TMEM87A: variants seen among roughly 807,000 people sequenced by gnomAD.
TMEM87A encodes the protein transmembrane protein 87A.
A neutral mutation model predicts 90.0 loss-of-function variants in TMEM87A; 50 were observed. That is an observed-to-expected ratio of 0.56 (90% CI 0.44 to 0.70). The LOEUF (loss-of-function observed/expected upper bound fraction) is 0.70. TMEM87A is among the 30% of genes least tolerant of loss of function. TMEM87A has a pLI of 0.00. For missense variants in TMEM87A, 577 were observed against 660.5 expected (o/e 0.87, Z 1.39); for synonymous variants, 226 against 226.7 (o/e 1.00, Z 0.03).
At chr15:42,237,353 T>C (rs534379864) in intron 9 of TMEM87A, 79 bp downstream of exon 9, 6 of 1,412,490 alleles carry the variant, frequency 4.2e-6, no homozygotes, top group Non-Finnish European at 5.8e-6. Flanking sequence ...GCCTATGTAG[T>C]GACTGCTGAC....
chr15:42,218,352 T>C lies in TMEM87A; in HGVS notation c.1566A>G (p.Glu522=), dbSNP rs769495599. 1.2e-6 allele frequency: 2 copies of C among 1,613,816 alleles called. No individual in the cohort carries two copies. Among genetic ancestry groups the C allele is most frequent in the Admixed American group, 1.7e-5 (1 of 60,018 alleles). Residue 522 remains glutamate, a synonymous_variant, in exon 18 of 20, where the codon GAA becomes GAG. Transcript: ENST00000389834. ...KAQEDDLKWV[E]ENVPSSVTDV... is the part of the protein sequence containing the mutation. ...CTGTCACAGAAGAAGGAACATTCTC[T>C]TCTACCCACTTCAAATCATCTTCCT...
chr15:42,228,922 T>C (rs996414254), intron 12 of TMEM87A, 102 bp from the exon 13 acceptor site: 6 of 761,386 alleles, frequency 7.9e-6, no homozygotes, highest in African/African-American at 3.6e-5. Context: ...AATAAACTTA[T>C]AGATCTCTCA....
At chr15:42,263,304 A>G (rs923126250) in intron 4 of TMEM87A, among the ~76,000 whole-genome samples, 8 of 152,226 alleles carry the variant, frequency 5.3e-5, no homozygotes, top group Admixed American at 5.2e-4. Context: ...GACAAAAAAG[A>G]ACAAAAGTTG....
intron 14 of TMEM87A, chr15:42,227,466 T>A: frequency 2.4e-6 from 1 of 409,474 alleles, no homozygotes; most frequent in South Asian, 3.2e-5. Context: ...ACTGTAGTTA[T>A]AACTTACAAA....
intron 6 of TMEM87A, among the ~76,000 whole-genome samples, chr15:42,250,610 T>G (rs1212803666): frequency 6.6e-6 from 1 of 152,202 alleles, no homozygotes; most frequent in African/African-American, 2.4e-5. Flanking sequence ...AGATTGTCTG[T>G]TAGTCTGATG....
rs558159503 is a variant in TMEM87A at position 42,211,565 on chromosome 15, C to T, written c.*143G>A. Reference sequence around the variant, plus strand: ...ATGTTCTCTTTGTTCTGACACCTCTCGCCAACTCCAATGCCCAAAGATCAA... The same window carrying T: ...ATGTTCTCTTTGTTCTGACACCTCTTGCCAACTCCAATGCCCAAAGATCAA... On this transcript the variant is annotated 3_prime_UTR_variant, in exon 20 of 20. Coordinates refer to ENST00000389834, the MANE Select transcript of TMEM87A (RefSeq NM_015497.5). 1.3e-4 allele frequency: 100 copies of T among 767,886 alleles called. No homozygotes were observed. The highest frequency in any genetic ancestry group is 1.8e-4 in the African/African-American group (10 of 56,998). The allele number at this position is 767,886 out of a possible 1,614,324, so 47.6% of individuals were successfully genotyped here.
intron 2 of TMEM87A, among the ~76,000 whole-genome samples, chr15:42,269,801 T>C (rs1024246351): frequency 3.4e-5 from 5 of 146,558 alleles, no homozygotes; most frequent in African/African-American, 1.2e-4. Flanking sequence ...CCGGGCGCGG[T>C]GGCGGGCGCC....
chr15:42,252,476 G>A (rs1197931500), intron 6 of TMEM87A, among the ~76,000 whole-genome samples: 1 of 152,100 alleles, frequency 6.6e-6, no homozygotes, highest in African/African-American at 2.4e-5. Context: ...TGAGATTTGT[G>A]AGCCTCTCAA....
intron 6 of TMEM87A, among the ~76,000 whole-genome samples, chr15:42,256,131 G>C (rs931747538): frequency 1.3e-5 from 2 of 151,986 alleles, no homozygotes; most frequent in Non-Finnish European, 2.9e-5. Context: ...TGGAGGTACT[G>C]AATTTGTGAG....
intron 3 of TMEM87A, among the ~76,000 whole-genome samples, chr15:42,265,680 T>C (rs2051388620): frequency 6.6e-6 from 1 of 152,254 alleles, no homozygotes; most frequent in South Asian, 2.1e-4. Flanking sequence ...TTTCTTTTGC[T>C]GTGCAGAAGC....
chr15:42,238,519 A>G (rs10152909), intron 8 of TMEM87A, among the ~76,000 whole-genome samples: 146,823 of 152,202 alleles, frequency 0.96, 70,960 homozygotes, highest in Non-Finnish European at 1. Flanking sequence ...GCATTGAGCC[A>G]AGATCGTGCC....
rs1188299351 is a variant in TMEM87A at position 42,244,099 on chromosome 15, T to C, written c.573A>G (p.Ser191=). ...PYIFIVHIGI[S]SSKESSKENS... is the part of the protein sequence containing the mutation. ...TTTCTTTTGATGATTCCTTTGAGGA[T>C]GAAATGCCAATATGTACAATAAAAA... The change falls in exon 7 of 20, where the codon TCA becomes TCG. Residue 191 remains serine, a synonymous_variant. Coordinates refer to ENST00000389834, the MANE Select transcript of TMEM87A (RefSeq NM_015497.5). The C allele has an allele frequency of 2.5e-6, 4 of 1,581,174 alleles. No individual in the cohort carries two copies. The highest frequency in any genetic ancestry group is 2.3e-5 in the East Asian group (1 of 43,624).
rs2277533 is a variant in TMEM87A at position 42,273,390 on chromosome 15, C to A, written c.9G>T (p.Ala3=). Residue 3 remains alanine, a synonymous_variant, in exon 1 of 20, where the codon GCG becomes GCT. Transcript: ENST00000389834. ...CAGGCAACACCTGAAGCCACGCAGC[C>A]GCCGCCATCTTCACAGCCGTGGAGT... MA[A]AAWLQVLPVI... The A allele has an allele frequency of 0.14, 229,281 of 1,613,876 alleles. 18,358 individuals carry two copies. The highest frequency in any genetic ancestry group is 0.29 in the East Asian group (13,129 of 44,854).
rs577026447 is a variant in TMEM87A at position 42,259,743 on chromosome 15, C to T, written c.504+1215G>A. ...CACATGCCCAGGGCTGTGCACAGGT[C>T]CAGGAGAGACCTGAGGAGGCCCTAA... is the stretch of plus-strand genomic sequence containing the variant. On this transcript the variant is annotated intron_variant, in intron 6 of 19. Coordinates refer to ENST00000389834, the MANE Select transcript of TMEM87A (RefSeq NM_015497.5). Among the ~76,000 whole-genome samples the T allele has an allele frequency of 2.0e-4, 31 of 152,174 alleles. 1 individual carries two copies. In the South Asian group the frequency reaches 6.4e-3, roughly 32 times the overall value.
At chr15:42,218,954 G>C (rs2050426252) in intron 17 of TMEM87A, 1 of 152,948 alleles carries the variant, frequency 6.5e-6, no homozygotes, top group African/African-American at 2.4e-5. Context: ...GGATCATAAG[G>C]TAGTTCTATT....
At chr15:42,231,787 A>T in intron 11 of TMEM87A, 1 of 884,804 alleles carries the variant, frequency 1.1e-6, no homozygotes, top group Non-Finnish European at 1.5e-6. Context: ...GTTTATATAG[A>T]GTATGTTTTT....
chr15:42,256,690 A>G (rs745401211), intron 6 of TMEM87A, among the ~76,000 whole-genome samples: 4 of 152,158 alleles, frequency 2.6e-5, no homozygotes, highest in Non-Finnish European at 4.4e-5. Context: ...ATATCCATAT[A>G]AATGAAGGTT....
chr15:42,256,390 T>C (rs1052756584), intron 6 of TMEM87A, among the ~76,000 whole-genome samples: 5 of 152,202 alleles, frequency 3.3e-5, no homozygotes, highest in Non-Finnish European at 7.4e-5. Flanking sequence ...TTCACCCACC[T>C]TGGGCCTTAA....
intron 10 of TMEM87A, among the ~76,000 whole-genome samples, chr15:42,234,424 A>C (rs2050739013): frequency 6.6e-6 from 1 of 152,106 alleles, no homozygotes. Context: ...ATTGGGGAAA[A>C]CTCCATATGA....
Sources: allele counts gnomAD v4.1 joint callset (sites outside exome capture counted in the v4.1 genomes callset), GRCh38; gene constraint gnomAD v4.1.1; transcripts MANE v1.5; gene names NCBI Gene and HGNC (gene_info 2026-07-23, HGNC 2026-07-21).